Variants in ASCC3 observed in about 807,000 individuals in gnomAD.
The protein encoded by ASCC3 is ASC-1 complex subunit P200.
A neutral mutation model predicts 256.3 loss-of-function variants in ASCC3; 158 were observed. The ratio of observed to expected loss-of-function variants is 0.62; its 90% CI spans 0.54 to 0.70. The LOEUF is 0.70. ASCC3 is among the 30% of genes least tolerant of loss of function. ASCC3 has a pLI of 0.00. For missense variants in ASCC3, 2,259 were observed against 2,626.0 expected, an observed-to-expected ratio of 0.86 and a Z score of 3.05; for synonymous variants, 948 against 883.4, an observed-to-expected ratio of 1.07 and a Z score of -1.30.
chr6:100,710,186 G>A (rs551872248), intron 13 of ASCC3, among the ~76,000 whole-genome samples: 1 of 152,130 alleles, frequency 6.6e-6, no homozygotes, highest in African/African-American at 2.4e-5. Flanking sequence ...TTACCCACAG[G>A]GCATTTTTAG....
In ASCC3 at chr6:100,606,877, A is replaced by G. The variant is rs1772916289; in HGVS notation, c.4924-17T>C. On this transcript the variant is annotated splice_polypyrimidine_tract_variant and intron_variant, in intron 31 of 41. Coordinates refer to ENST00000369162, the MANE Select transcript of ASCC3 (RefSeq NM_006828.4). ...AATAAGAACCTAAAAAGCAAAATAA[A>G]ATATCTTATATCTAAGTAAAATATA... 1.2e-6 allele frequency: 2 copies of G among 1,608,712 alleles called. No homozygotes were observed. The highest frequency in any genetic ancestry group is 2.7e-5 in the African/African-American group (2 of 74,592).
chr6:100,690,661 A>G (rs1166881390), intron 13 of ASCC3, among the ~76,000 whole-genome samples: 1 of 152,134 alleles, frequency 6.6e-6, no homozygotes, highest in Non-Finnish European at 1.5e-5. Flanking sequence ...AAGCTACCTC[A>G]AATAGGGTTA....
chr6:100,732,486 A>C (rs1779948493), intron 10 of ASCC3, among the ~76,000 whole-genome samples: 1 of 152,322 alleles, frequency 6.6e-6, no homozygotes, highest in African/African-American at 2.4e-5. Flanking sequence ...AGATGTTTTC[A>C]TAGTTCCTTA....
Position 100,606,758 on chromosome 6 carries a change from C to T in ASCC3, c.5026G>A (p.Val1676Met), listed in dbSNP as rs1402495294. Residue 1676 changes from valine to methionine, a missense_variant, in exon 32 of 42, where the codon GTG (valine) becomes ATG (methionine). Transcript: ENST00000369162. The stretch of plus-strand genomic sequence containing the variant: ...AAATTACCTGTAATGGGAAAATCCA[C>T]ATAACGTCTTGTTTTTCCATCATAG... ...EYYDGKTRRY[V>M]DFPITDVLQM... 3 of 1,605,038 alleles carry T rather than the reference C, an allele frequency of 1.9e-6. No individual in the cohort carries two copies. Among genetic ancestry groups the T allele is most frequent in the African/African-American group, 2.7e-5 (2 of 74,532 alleles).
intron 13 of ASCC3, among the ~76,000 whole-genome samples, chr6:100,705,078 T>G (rs1462677046): frequency 6.6e-6 from 1 of 152,058 alleles, no homozygotes; most frequent in African/African-American, 2.4e-5. Context: ...TCTCATTAGT[T>G]TGAGCAGATG....
intron 37 of ASCC3, among the ~76,000 whole-genome samples, chr6:100,528,077 G>A (rs992450309): frequency 8.6e-5 from 13 of 151,812 alleles, no homozygotes; most frequent in Middle Eastern, 3.4e-3. Flanking sequence ...GGCCTCAAGT[G>A]ATCCTCCTGC....
intron 10 of ASCC3, among the ~76,000 whole-genome samples, chr6:100,748,536 G>A (rs1233448173): frequency 6.6e-6 from 1 of 152,028 alleles, no homozygotes; most frequent in Non-Finnish European, 1.5e-5. Flanking sequence ...AGACTAGAGA[G>A]CACAGATATT....
At chr6:100,692,999 A>C (rs953016143) in intron 13 of ASCC3, among the ~76,000 whole-genome samples, 1 of 151,954 alleles carries the variant, frequency 6.6e-6, no homozygotes, top group Non-Finnish European at 1.5e-5. Flanking sequence ...AAAAAATTAG[A>C]ATATTATCCA....
chr6:100,608,097 C>CACATATATATGTATATATAGATATATAT lies in ASCC3; in HGVS notation c.4786-1010_4786-1009insATATATATCTATATATACATATATATGT, dbSNP rs1773029124. ...ATATATATGTATATATATCTATATA[C>CACATATATATGTATATATAGATATATAT]ACATATATATGTATATATATCTATA... On this transcript the variant is annotated intron_variant, in intron 30 of 41. Transcript: ENST00000369162. Among the ~76,000 whole-genome samples the CACATATATATGTATATATAGATATATAT allele has an allele frequency of 3.2e-3, 143 of 44,988 alleles. 6 individuals carry two copies. The highest frequency in any genetic ancestry group is 0.012 in the African/African-American group (136 of 11,680). The allele number at this position is 44,988 out of a possible 152,430, so 29.5% of individuals were successfully genotyped here.
At chr6:100,778,507 T>C (rs937469877) in intron 8 of ASCC3, among the ~76,000 whole-genome samples, 1 of 152,140 alleles carries the variant, frequency 6.6e-6, no homozygotes, top group Middle Eastern at 3.2e-3. Context: ...TCTATTTTAG[T>C]TGTTAGAAAT....
At chr6:100,829,463 G>C (rs982750413) in intron 4 of ASCC3, among the ~76,000 whole-genome samples, 3 of 152,118 alleles carry the variant, frequency 2.0e-5, no homozygotes, top group Non-Finnish European at 4.4e-5. Context: ...GGGCTGGCGG[G>C]GCTCGCCAGC....
chr6:100,715,116 A>T (rs1475866999), intron 13 of ASCC3: 18 of 167,334 alleles, frequency 1.1e-4, no homozygotes, highest in Admixed American at 9.2e-4. Flanking sequence ...GAATTAAAAA[A>T]TAAAAGTGCT....
intron 37 of ASCC3, among the ~76,000 whole-genome samples, chr6:100,537,245 G>A (rs999927175): frequency 2.6e-5 from 4 of 151,952 alleles, no homozygotes. Context: ...ACACTAAGAG[G>A]ACAAACCATC....
intron 36 of ASCC3, among the ~76,000 whole-genome samples, chr6:100,587,300 TAAA>T (rs78769945): frequency 7.2e-6 from 1 of 137,974 alleles, no homozygotes. Context: ...CTTTTCATGG[TAAA>T]AAAAAAAAAA....
chr6:100,560,196 T>A (rs570448728), intron 36 of ASCC3, among the ~76,000 whole-genome samples: 28 of 152,308 alleles, frequency 1.8e-4, no homozygotes, highest in Admixed American at 1.8e-3. Flanking sequence ...ATGTTTGAAG[T>A]TATTAACTCA....
At chr6:100,622,505 T>G (rs1180964295) in intron 30 of ASCC3, among the ~76,000 whole-genome samples, 2 of 152,090 alleles carry the variant, frequency 1.3e-5, no homozygotes, top group African/African-American at 4.8e-5. Flanking sequence ...CAATTAAACC[T>G]CTTTCCTTTA....
chr6:100,703,503 A>T lies in ASCC3; in HGVS notation c.2151+11959T>A, dbSNP rs192537480. Among the ~76,000 whole-genome samples, 773 of 152,158 alleles carry T rather than the reference A, an allele frequency of 5.1e-3. 6 individuals are homozygous for T. Among genetic ancestry groups the T allele is most frequent in the African/African-American group, 0.018 (743 of 41,564 alleles). The stretch of plus-strand genomic sequence containing the variant: ...TTTATTAGTATCCCCAATATGCAGT[A>T]TATTAATGACAAGATTACTCTAGCA... On this transcript the variant is annotated intron_variant, in intron 13 of 41. Coordinates refer to ENST00000369162, the MANE Select transcript of ASCC3 (RefSeq NM_006828.4).
chr6:100,651,753 CA>C, intron 18 of ASCC3, 107 bp from the exon 19 acceptor site: 1 of 460,658 alleles, frequency 2.2e-6, no homozygotes, highest in Non-Finnish European at 3.6e-6. Context: ...GAGCCCTAGA[CA>C]GTGCAGTTAT....
chr6:100,854,057 TC>T (rs796494351), intron 3 of ASCC3, among the ~76,000 whole-genome samples: 29 of 152,092 alleles, frequency 1.9e-4, no homozygotes, highest in South Asian at 1.9e-3. Flanking sequence ...TCTAAACTAG[TC>T]TCATGAATCT....
Sources: allele counts gnomAD v4.1 joint callset (sites outside exome capture counted in the v4.1 genomes callset), GRCh38; gene constraint gnomAD v4.1.1; transcripts MANE v1.5; gene names NCBI Gene and HGNC (gene_info 2026-07-23, HGNC 2026-07-21).